AXIN1: variants seen among roughly 807,000 people sequenced by gnomAD.
The protein encoded by AXIN1 is axin-1.
Under a neutral mutation model 76.4 loss-of-function variants are expected in AXIN1, and 30 were observed. The ratio of observed to expected loss-of-function variants is 0.39; its 90% confidence interval spans 0.29 to 0.53. The LOEUF (loss-of-function observed/expected upper bound fraction) is 0.53. AXIN1 is among the 20% of genes least tolerant of loss of function. The pLI, the probability that AXIN1 is intolerant of heterozygous loss-of-function variation, is 0.66. For synonymous variants in AXIN1, 545 were observed against 501.4 expected, an observed-to-expected ratio of 1.09 and a Z score of -1.16; for missense variants, 1,140 against 1,198.8, an observed-to-expected ratio of 0.95 and a Z score of 0.72.
intron 2 of AXIN1, among the ~76,000 whole-genome samples, chr16:337,240 A>G (rs940174025): frequency 6.6e-6 from 1 of 151,614 alleles, no homozygotes; most frequent in African/African-American, 2.4e-5. Context: ...CATATTTTAA[A>G]GCTTTTATTC....
intron 2 of AXIN1, among the ~76,000 whole-genome samples, chr16:345,167 G>A (rs1427071706): frequency 6.6e-6 from 1 of 152,178 alleles, no homozygotes; most frequent in Non-Finnish European, 1.5e-5. Flanking sequence ...CAGGTTCCAA[G>A]GCTGAGCACC....
At chr16:312,450 G>A (rs927665545) in intron 3 of AXIN1, among the ~76,000 whole-genome samples, 1 of 152,154 alleles carries the variant, frequency 6.6e-6, no homozygotes, top group Non-Finnish European at 1.5e-5. Flanking sequence ...GAGACTTTTT[G>A]AGAAAACTGA....
intron 2 of AXIN1, among the ~76,000 whole-genome samples, chr16:317,452 G>C (rs558269328): frequency 6.6e-6 from 1 of 152,226 alleles, no homozygotes; most frequent in African/African-American, 2.4e-5. Context: ...CACGGTTCAC[G>C]ATGTCAGGCC....
At chr16:302,113 C>A (rs2052889248) in intron 5 of AXIN1, among the ~76,000 whole-genome samples, 1 of 152,252 alleles carries the variant, frequency 6.6e-6, no homozygotes, top group Non-Finnish European at 1.5e-5. Flanking sequence ...AGCAAGCGAG[C>A]CGCTCCAGTG....
At chr16:295,550 C>CA (rs141245832) in intron 7 of AXIN1, among the ~76,000 whole-genome samples, 4,605 of 150,006 alleles carry the variant, frequency 0.031, 256 homozygotes, top group African/African-American at 0.11. Flanking sequence ...GACTCTGTCG[C>CA]AAAAAATTAA....
intron 2 of AXIN1, among the ~76,000 whole-genome samples, chr16:324,414 G>GCACAGGCCT (rs1419283151): frequency 1.3e-5 from 2 of 152,198 alleles, no homozygotes; most frequent in Admixed American, 1.3e-4. Flanking sequence ...GGCGGGTCAG[G>GCACAGGCCT]CACAGGCCTC....
At position 293,933 on chromosome 16, in the gene AXIN1, T is replaced by C. The variant is rs919923579; in HGVS notation, c.1956-215A>G. On this transcript the variant is annotated intron_variant, in intron 7 of 10. Coordinates refer to ENST00000262320, the MANE Select transcript of AXIN1 (RefSeq NM_003502.4). The surrounding 1 kb of genome is among the most constrained non-coding windows in gnomAD (Gnocchi z 4.6). ...TGGCTCACACCTGTAATCCCAGCAT[T>C]TCGGGAGGCCGAGGCGGGCAGATCA... is the stretch of plus-strand genomic sequence containing the variant. Among the ~76,000 whole-genome samples, 1 of 152,148 alleles carries C rather than the reference T, an allele frequency of 6.6e-6. No homozygotes were observed. Among genetic ancestry groups the C allele is most frequent in the African/African-American group, 2.4e-5 (1 of 41,436 alleles).
Position 288,699 on chromosome 16 carries a change from C to G in AXIN1, c.2463-451G>C, listed in dbSNP as rs940534742. Among the ~76,000 whole-genome samples, 57 of 152,370 alleles carry G rather than the reference C, an allele frequency of 3.7e-4. 1 individual carries two copies. Among genetic ancestry groups the G allele is most frequent in the African/African-American group, 1.3e-3 (53 of 41,588 alleles). On this transcript the variant is annotated intron_variant, in intron 10 of 10. Coordinates refer to ENST00000262320, the MANE Select transcript of AXIN1 (RefSeq NM_003502.4). ...GCTCTGCCAGGCTCTTGGGGTCAGG[C>G]CCCCTCTGCTCACCGCCCAGTGCTC...
intron 1 of AXIN1, among the ~76,000 whole-genome samples, chr16:350,534 G>A (rs1344212859): frequency 1.3e-5 from 2 of 150,458 alleles, no homozygotes; most frequent in Non-Finnish European, 3.0e-5. Flanking sequence ...ACGTGTGTAG[G>A]TATTTATTTT....
chr16:342,339 C>T (rs1029407365), intron 2 of AXIN1, among the ~76,000 whole-genome samples: 7 of 152,152 alleles, frequency 4.6e-5, no homozygotes, highest in South Asian at 2.1e-4. Flanking sequence ...CAAGGGTCCG[C>T]GGCTTCATTC....
At chr16:304,018 G>A (rs1486422155) in intron 5 of AXIN1, among the ~76,000 whole-genome samples, 1 of 152,206 alleles carries the variant, frequency 6.6e-6, no homozygotes, top group Non-Finnish European at 1.5e-5. Context: ...CACCCACAAA[G>A]GATCAGGTAC....
At chr16:347,183 G>T in intron 1 of AXIN1, 77 bp from the exon 2 acceptor site, 7 of 1,234,806 alleles carry the variant, frequency 5.7e-6, no homozygotes, top group Non-Finnish European at 8.0e-6. Context: ...CTCAAGACAA[G>T]ACTCACGATG....
At chr16:291,361 C>G in intron 8 of AXIN1, 64 bp from the exon 9 acceptor site, 1 of 1,356,046 alleles carries the variant, frequency 7.4e-7, no homozygotes, top group Non-Finnish European at 1.0e-6. Flanking sequence ...GAGGGAGCCT[C>G]GACCAATGCT....
At chr16:347,204 G>A (rs560683281) in intron 1 of AXIN1, 98 bp from the exon 2 acceptor site, 61 of 1,052,216 alleles carry the variant, frequency 5.8e-5, no homozygotes, top group Middle Eastern at 6.1e-4. Context: ...ACGCCCTCCC[G>A]CTCAAACTCA....
intron 2 of AXIN1, among the ~76,000 whole-genome samples, chr16:321,565 T>C (rs376622763): frequency 2.0e-5 from 3 of 152,348 alleles, no homozygotes; most frequent in South Asian, 2.1e-4. Context: ...AAACCTCTCA[T>C]AGCTGGGAAT....
At chr16:323,931 C>CACA (rs2053521652) in intron 2 of AXIN1, among the ~76,000 whole-genome samples, 1 of 152,170 alleles carries the variant, frequency 6.6e-6, no homozygotes, top group Non-Finnish European at 1.5e-5. Flanking sequence ...GGATGGAATA[C>CACA]GGCACAGAAT....
intron 2 of AXIN1, among the ~76,000 whole-genome samples, chr16:323,000 CA>C (rs926094302): frequency 2.0e-5 from 3 of 152,170 alleles, no homozygotes; most frequent in African/African-American, 7.2e-5. Context: ...ACTTGCTTCC[CA>C]AAACTGAGAG....
At chr16:315,339 CCTCTTT>C (rs1427854028) in intron 2 of AXIN1, among the ~76,000 whole-genome samples, 5 of 152,308 alleles carry the variant, frequency 3.3e-5, no homozygotes, top group East Asian at 1.9e-4. Context: ...TAAACTTCTT[CCTCTTT>C]ATCTGTTCAT....
At position 352,393 on chromosome 16, in the gene AXIN1, C is replaced by T; in HGVS notation, c.-106G>A. 5 of 967,146 alleles carry T rather than the reference C, an allele frequency of 5.2e-6. No individual in the cohort carries two copies. Among genetic ancestry groups the T allele is most frequent in the Non-Finnish European group, 6.1e-6 (5 of 822,818 alleles). 59.9% of individuals were successfully genotyped at this position (967,146 alleles called of 1,614,324 possible). On this transcript the variant is annotated 5_prime_UTR_variant, in exon 1 of 11. Coordinates refer to ENST00000262320, the MANE Select transcript of AXIN1 (RefSeq NM_003502.4). ...CCCGCGCGCGGTGGTGGCGGGACCCCGGGCCCGGCTCCCGGAGCGGCGCGG... is the reference window on the plus strand; with the variant it reads ...CCCGCGCGCGGTGGTGGCGGGACCCTGGGCCCGGCTCCCGGAGCGGCGCGG...
Sources: allele counts gnomAD v4.1 joint callset (sites outside exome capture counted in the v4.1 genomes callset), GRCh38; gene constraint gnomAD v4.1.1; non-coding constraint Gnocchi (gnomAD v3.1); transcripts MANE v1.5; gene names NCBI Gene and HGNC (gene_info 2026-07-23, HGNC 2026-07-21).